The following TENM4 variants were observed in gnomAD, a reference collection of about 807,000 sequenced individuals.
TENM4 encodes teneurin transmembrane protein 4, also known as teneurin-4.
TENM4 carries 82 observed loss-of-function variants against 243.3 expected under a neutral mutation model. The ratio of observed to expected loss-of-function variants is 0.34; its 90% CI spans 0.28 to 0.40. TENM4 has a LOEUF of 0.40. Ranked by LOEUF, TENM4 falls within the 10% of genes least tolerant of loss-of-function variation. The pLI, the probability that TENM4 is intolerant of heterozygous loss-of-function variation, is 1.00. For synonymous variants in TENM4, 1,412 were observed against 1,456.3 expected, an observed-to-expected ratio of 0.97 and a Z score of 0.69; for missense variants, 3,138 against 3,673.3, an observed-to-expected ratio of 0.85 and a Z score of 3.77.
At position 79,430,789 on chromosome 11, in the gene TENM4, G is replaced by A. The variant is rs532430472; in HGVS notation, c.-321+9720C>T. ...AGTTCTTTCCATCTTTGAAGTTGATGTCTTCTGCAATACCCCATGCTGCTC... is the reference window on the plus strand; with the variant it reads ...AGTTCTTTCCATCTTTGAAGTTGATATCTTCTGCAATACCCCATGCTGCTC... On this transcript the variant is annotated intron_variant, in intron 1 of 33. Coordinates refer to ENST00000278550, the MANE Select transcript of TENM4 (RefSeq NM_001098816.3). 2.0e-5 allele frequency among the ~76,000 whole-genome samples: 3 copies of A among 152,276 alleles called. No homozygotes were observed. The South Asian group carries it at 6.2e-4, about 32-fold the overall frequency.
At chr11:78,740,514 T>C (rs533027836) in intron 19 of TENM4, among the ~76,000 whole-genome samples, 19 of 152,338 alleles carry the variant, frequency 1.2e-4, no homozygotes, top group African/African-American at 4.1e-4. Flanking sequence ...TCTGAAGGTC[T>C]TCCAATGTAT....
chr11:78,962,963 TTCTTAAA>T (rs1459843490), intron 6 of TENM4, among the ~76,000 whole-genome samples: 6 of 152,270 alleles, frequency 3.9e-5, no homozygotes, highest in Admixed American at 1.3e-4. Flanking sequence ...CATTTTATGA[TTCTTAAA>T]TTCTGACATT....
chr11:78,845,723 G>A (rs1858376948), intron 12 of TENM4, among the ~76,000 whole-genome samples: 1 of 152,074 alleles, frequency 6.6e-6, no homozygotes, highest in African/African-American at 2.4e-5. Context: ...TTCTGTCAGT[G>A]GAAAAGCCAG....
chr11:79,370,637 G>C (rs1857763427), intron 1 of TENM4, among the ~76,000 whole-genome samples: 1 of 152,034 alleles, frequency 6.6e-6, no homozygotes, highest in Non-Finnish European at 1.5e-5. Context: ...GGAGGAACCT[G>C]AGCCTCATGC....
intron 12 of TENM4, among the ~76,000 whole-genome samples, chr11:78,843,806 C>T (rs1282927298): frequency 6.6e-6 from 1 of 152,212 alleles, no homozygotes; most frequent in East Asian, 1.9e-4. Flanking sequence ...GCATAAAGTC[C>T]TGAGGACAGA....
intron 2 of TENM4, among the ~76,000 whole-genome samples, chr11:79,229,077 T>C (rs138786242): frequency 6.2e-4 from 95 of 152,342 alleles, no homozygotes; most frequent in African/African-American, 2.2e-3. Context: ...TTTTGTAGGA[T>C]GCCCCACTAT....
At chr11:79,272,590 T>A (rs1335060327) in intron 2 of TENM4, among the ~76,000 whole-genome samples, 1 of 152,136 alleles carries the variant, frequency 6.6e-6, no homozygotes, top group Non-Finnish European at 1.5e-5. Flanking sequence ...CATGTGGCTG[T>A]TGGCTACCAT....
At chr11:78,902,743 T>C (rs562164741) in intron 7 of TENM4, among the ~76,000 whole-genome samples, 1 of 152,058 alleles carries the variant, frequency 6.6e-6, no homozygotes, top group South Asian at 2.1e-4. Context: ...GGCATAAAGG[T>C]GGTAGCACAG....
intron 12 of TENM4, among the ~76,000 whole-genome samples, chr11:78,845,215 C>T (rs1386856618): frequency 7.9e-5 from 12 of 152,170 alleles, no homozygotes; most frequent in African/African-American, 2.9e-4. Context: ...CTGTTTTATT[C>T]ACTGTGAAGC....
intron 6 of TENM4, among the ~76,000 whole-genome samples, chr11:78,913,278 C>T (rs530078281): frequency 6.6e-6 from 1 of 152,084 alleles, no homozygotes; most frequent in African/African-American, 2.4e-5. Context: ...GCCTTGTCCT[C>T]GATACTGGAG....
chr11:78,656,263 G>A lies in TENM4; in HGVS notation c.*1795C>T, dbSNP rs1857891864. 6.6e-6 allele frequency: 1 copy of A among 152,228 alleles called. No individual in the cohort carries two copies. Among genetic ancestry groups the A allele is most frequent in the South Asian group, 2.1e-4 (1 of 4,834 alleles). The allele number at this position is 152,228 out of a possible 1,614,324, so 9.4% of individuals were successfully genotyped here. On this transcript the variant is annotated 3_prime_UTR_variant, in exon 34 of 34. Transcript: ENST00000278550. ...TGCCATGAGCTTATCAGTCCAACAAGGTTTCCACGGGGAATAGCTCAGACT... is the reference window on the plus strand; with the variant it reads ...TGCCATGAGCTTATCAGTCCAACAAAGTTTCCACGGGGAATAGCTCAGACT...
At chr11:79,156,171 G>C (rs1862611898) in intron 3 of TENM4, among the ~76,000 whole-genome samples, 1 of 152,204 alleles carries the variant, frequency 6.6e-6, no homozygotes, top group Admixed American at 6.5e-5. Flanking sequence ...AAACTCCAGA[G>C]GGACAGGTCT....
intron 6 of TENM4, among the ~76,000 whole-genome samples, chr11:79,008,303 G>A (rs527397951): frequency 2.0e-5 from 3 of 152,310 alleles, no homozygotes; most frequent in East Asian, 1.9e-4. Context: ...CTTAGCAGGC[G>A]GTCCCTGGTG....
intron 1 of TENM4, among the ~76,000 whole-genome samples, chr11:79,333,329 T>C (rs1311694505): frequency 6.6e-6 from 1 of 152,192 alleles, no homozygotes; most frequent in East Asian, 1.9e-4. Context: ...GAAATATAGA[T>C]CCAACTTCCC....
chr11:79,278,328 A>G (rs757416528), intron 2 of TENM4, among the ~76,000 whole-genome samples: 1 of 152,206 alleles, frequency 6.6e-6, no homozygotes, highest in Non-Finnish European at 1.5e-5. Flanking sequence ...TGTCTCCATC[A>G]GGAAAATGAG....
chr11:79,167,279 T>G (rs1862935764), intron 3 of TENM4, among the ~76,000 whole-genome samples: 1 of 152,198 alleles, frequency 6.6e-6, no homozygotes, highest in Non-Finnish European at 1.5e-5. Flanking sequence ...AACAATGGCC[T>G]GGTCTTTGTG....
intron 4 of TENM4, among the ~76,000 whole-genome samples, chr11:79,124,691 A>G (rs1195389876): frequency 6.9e-6 from 1 of 144,466 alleles, no homozygotes; most frequent in Non-Finnish European, 1.5e-5. Flanking sequence ...ATACATATAT[A>G]TATCTAGAAC....
At chr11:79,247,904 G>A (rs1007278744) in intron 2 of TENM4, among the ~76,000 whole-genome samples, 12 of 152,192 alleles carry the variant, frequency 7.9e-5, no homozygotes, top group Admixed American at 7.2e-4. Context: ...AGGAGAAACC[G>A]GGGGAAACTG....
At chr11:79,250,737 A>G (rs1371541985) in intron 2 of TENM4, among the ~76,000 whole-genome samples, 1 of 152,262 alleles carries the variant, frequency 6.6e-6, no homozygotes, top group South Asian at 2.1e-4. Flanking sequence ...AATAATTGAA[A>G]TTCTGATGAT....
Sources: allele counts gnomAD v4.1 joint callset (sites outside exome capture counted in the v4.1 genomes callset), GRCh38; gene constraint gnomAD v4.1.1; transcripts MANE v1.5; gene names NCBI Gene and HGNC (gene_info 2026-07-23, HGNC 2026-07-21).